SMIM35: variants seen among roughly 807,000 people sequenced by gnomAD.
SMIM35 encodes TMPRSS4 antisense RNA 1 (non-protein coding).
chr11:118,062,248 T>C (rs1326427830), intron 1 of SMIM35, among the ~76,000 whole-genome samples: 1 of 152,218 alleles, frequency 6.6e-6, no homozygotes, highest in Admixed American at 6.5e-5. Context: ...GAGAATCACT[T>C]GAACCCTGGT....
At chr11:118,050,108 G>A (rs1944185768) in intron 1 of SMIM35, among the ~76,000 whole-genome samples, 1 of 152,188 alleles carries the variant, frequency 6.6e-6, no homozygotes, top group African/African-American at 2.4e-5. Context: ...CCAGCCCTGG[G>A]ACACACCAGT....
chr11:118,043,983 T>C (rs974763252), intron 1 of SMIM35, among the ~76,000 whole-genome samples: 4 of 151,866 alleles, frequency 2.6e-5, no homozygotes, highest in Admixed American at 6.6e-5. Context: ...AACATTAAAT[T>C]ATATACTTCT....
At chr11:118,058,518 G>A (rs1346426001) in intron 1 of SMIM35, among the ~76,000 whole-genome samples, 3 of 152,202 alleles carry the variant, frequency 2.0e-5, no homozygotes, top group African/African-American at 7.2e-5. Flanking sequence ...AATGGGGTGC[G>A]AAACCACAGG....
chr11:118,003,976 C>T lies in SMIM35; in HGVS notation c.*2434G>A, dbSNP rs2058110421. 6.6e-6 allele frequency: 1 copy of T among 152,232 alleles called. No homozygotes were observed. Among genetic ancestry groups the T allele is most frequent in the African/African-American group, 2.4e-5 (1 of 41,408 alleles). 9.4% of individuals were successfully genotyped at this position (152,232 alleles called of 1,614,324 possible). A position where few individuals can be genotyped will look rare whatever the true frequency, so the allele number is the denominator to read the frequency against. ...GCTTAAACAACAGACATTTATCTCTCACAGTTCTGGAGGTGGGGAAGTGCA... is the reference window on the plus strand; with the variant it reads ...GCTTAAACAACAGACATTTATCTCTTACAGTTCTGGAGGTGGGGAAGTGCA... On this transcript the variant is annotated 3_prime_UTR_variant, in exon 5 of 5. Coordinates refer to ENST00000689828, the MANE Select transcript of SMIM35 (RefSeq NM_001394165.1).
chr11:118,061,292 T>C (rs1165750517), intron 1 of SMIM35, among the ~76,000 whole-genome samples: 1 of 152,232 alleles, frequency 6.6e-6, no homozygotes, highest in East Asian at 1.9e-4. Flanking sequence ...TCTGAGAGTG[T>C]TTCCCTGTAG....
intron 1 of SMIM35, among the ~76,000 whole-genome samples, chr11:118,061,145 A>G (rs1944389309): frequency 6.6e-6 from 1 of 152,216 alleles, no homozygotes; most frequent in Non-Finnish European, 1.5e-5. Context: ...CATGACACCC[A>G]CAGTGGGAGT....
chr11:118,024,897 A>G (rs1401852100), intron 1 of SMIM35, among the ~76,000 whole-genome samples: 1 of 152,158 alleles, frequency 6.6e-6, no homozygotes, highest in Non-Finnish European at 1.5e-5. Flanking sequence ...TATTACCAAT[A>G]GTTAGTTCTT....
chr11:118,045,864 A>G (rs1036253765), intron 1 of SMIM35, among the ~76,000 whole-genome samples: 1 of 152,232 alleles, frequency 6.6e-6, no homozygotes, highest in African/African-American at 2.4e-5. Context: ...TGACGGAAAA[A>G]GACTTGGAGC....
At chr11:118,067,987 G>C (rs1236966316) in intron 1 of SMIM35, among the ~76,000 whole-genome samples, 2 of 148,916 alleles carry the variant, frequency 1.3e-5, no homozygotes, top group Admixed American at 1.3e-4. Flanking sequence ...CTATCCCAAT[G>C]GTTTGTCTTG....
intron 1 of SMIM35, among the ~76,000 whole-genome samples, chr11:118,039,747 A>C (rs1943968789): frequency 6.6e-6 from 1 of 151,422 alleles, no homozygotes; most frequent in Non-Finnish European, 1.5e-5. Context: ...AACTTATCAA[A>C]TTTATTGAGA....
At chr11:118,034,578 G>C (rs1272564503) in intron 1 of SMIM35, among the ~76,000 whole-genome samples, 1 of 152,290 alleles carries the variant, frequency 6.6e-6, no homozygotes, top group African/African-American at 2.4e-5. Flanking sequence ...ACAAAAATTA[G>C]CTGGGCGTGG....
In SMIM35 at chr11:118,004,179, C is replaced by T. The variant is rs1019428112; in HGVS notation, c.*2231G>A. 2 of 152,330 alleles carry T rather than the reference C, an allele frequency of 1.3e-5. No homozygotes were observed. Among genetic ancestry groups the T allele is most frequent in the South Asian group, 2.1e-4 (1 of 4,822 alleles). The allele number at this position is 152,330 out of a possible 1,614,324, so 9.4% of individuals were successfully genotyped here. On this transcript the variant is annotated 3_prime_UTR_variant, in exon 5 of 5. Transcript: ENST00000689828. ...CCCATCCTCATGACCTCATCTAAAC[C>T]AATTACCTCCCAGAGGCTTTACCTC...
At chr11:118,020,607 A>C (rs1172177685) in intron 1 of SMIM35, among the ~76,000 whole-genome samples, 1 of 152,180 alleles carries the variant, frequency 6.6e-6, no homozygotes, top group African/African-American at 2.4e-5. Context: ...TCTTCTTGCT[A>C]GATTTATTCC....
chr11:118,066,631 G>A (rs1944478535), intron 1 of SMIM35, among the ~76,000 whole-genome samples: 1 of 152,026 alleles, frequency 6.6e-6, no homozygotes, highest in East Asian at 1.9e-4. Flanking sequence ...AATACACCCT[G>A]AAAGACAGAG....
chr11:118,008,251 C>T (rs1184486621), intron 4 of SMIM35, among the ~76,000 whole-genome samples: 3 of 152,224 alleles, frequency 2.0e-5, no homozygotes, highest in Non-Finnish European at 4.4e-5. Context: ...GAGAATTCAC[C>T]AGGCCACTGG....
chr11:118,048,590 G>GC (rs1944146773), intron 1 of SMIM35, among the ~76,000 whole-genome samples: 1 of 103,632 alleles, frequency 9.6e-6, no homozygotes, highest in African/African-American at 3.4e-5. Context: ...AGGAAGGAAG[G>GC]AAGGAAGCAA....
intron 1 of SMIM35, among the ~76,000 whole-genome samples, chr11:118,019,031 AAG>A (rs2058205448): frequency 6.6e-6 from 1 of 152,132 alleles, no homozygotes; most frequent in South Asian, 2.1e-4. Context: ...CTCTCCCTCC[AAG>A]TAAATACCCT....
chr11:118,029,479 T>C (rs999982235), intron 1 of SMIM35, among the ~76,000 whole-genome samples: 1 of 152,186 alleles, frequency 6.6e-6, no homozygotes, highest in African/African-American at 2.4e-5. Flanking sequence ...GATGTTACAA[T>C]GAGGACTCTG....
chr11:118,078,902 A>G (rs1302986075), intron 1 of SMIM35, among the ~76,000 whole-genome samples: 1 of 152,182 alleles, frequency 6.6e-6, no homozygotes, highest in Non-Finnish European at 1.5e-5. Context: ...TTACACAGCT[A>G]ATACATGTGA....
Sources: gnomAD v4.1 joint callset for allele counts (sites outside exome capture counted in the v4.1 genomes callset) on GRCh38, gnomAD v4.1.1 for gene constraint, MANE v1.5 for transcripts, NCBI Gene and HGNC (gene_info 2026-07-23, HGNC 2026-07-21) for gene names.